SDK1: variants seen among roughly 807,000 people sequenced by gnomAD.
SDK1 encodes the protein sidekick cell adhesion molecule 1.
SDK1 carries 157 observed loss-of-function variants against 245.5 expected under a neutral mutation model. The ratio of observed to expected loss-of-function variants is 0.64; its 90% CI spans 0.56 to 0.73. The LOEUF (loss-of-function observed/expected upper bound fraction) is 0.73. Among genes scored for constraint, SDK1 ranks in the 30% least tolerant of loss-of-function variants. SDK1 has a pLI of 0.00. For missense variants in SDK1, 3,583 were observed against 3,002.3 expected (o/e 1.19, Z -4.52); for synonymous variants, 1,647 against 1,278.5 (o/e 1.29, Z -6.15).
chr7:3,381,142 A>G (rs1383576101), intron 1 of SDK1, among the ~76,000 whole-genome samples: 3 of 152,182 alleles, frequency 2.0e-5, no homozygotes, highest in African/African-American at 7.2e-5. Flanking sequence ...AAGAGAATCC[A>G]TGAAGGGACT....
chr7:3,979,437 G>A (rs767832183), intron 13 of SDK1, among the ~76,000 whole-genome samples: 1 of 152,194 alleles, frequency 6.6e-6, no homozygotes, highest in African/African-American at 2.4e-5. Flanking sequence ...CACTAGACTC[G>A]AGATGTGTCT....
At chr7:3,313,279 C>A (rs1428132837) in intron 1 of SDK1, among the ~76,000 whole-genome samples, 1 of 152,158 alleles carries the variant, frequency 6.6e-6, no homozygotes, top group Non-Finnish European at 1.5e-5. Flanking sequence ...CAGTGGCATG[C>A]ACCTGCAGTC....
In SDK1 at chr7:3,518,013, G is replaced by C. The variant is rs536507715; in HGVS notation, c.299-101067G>C. ...GAGAAGCTTACCAGAAGTACTTAAAGAGCCAATTAAGTTACAGTTTTAGGC... is the reference window on the plus strand; with the variant it reads ...GAGAAGCTTACCAGAAGTACTTAAACAGCCAATTAAGTTACAGTTTTAGGC... On this transcript the variant is annotated intron_variant, in intron 1 of 44. Coordinates refer to ENST00000404826, the MANE Select transcript of SDK1 (RefSeq NM_152744.4). Among the ~76,000 whole-genome samples the C allele has an allele frequency of 3.2e-4, 48 of 152,176 alleles. 2 individuals carry two copies. The South Asian group carries it at 8.5e-3, about 27-fold the overall frequency.
intron 1 of SDK1, among the ~76,000 whole-genome samples, chr7:3,584,146 C>A (rs939648118): frequency 2.0e-5 from 3 of 152,168 alleles, no homozygotes; most frequent in Non-Finnish European, 4.4e-5. Context: ...TAAAAAGATT[C>A]TGTGCTTATA....
At chr7:3,402,361 T>G (rs1022221521) in intron 1 of SDK1, among the ~76,000 whole-genome samples, 5 of 152,188 alleles carry the variant, frequency 3.3e-5, no homozygotes, top group African/African-American at 1.2e-4. Context: ...CCCAAGAAAT[T>G]CACTCGGAAG....
intron 1 of SDK1, among the ~76,000 whole-genome samples, chr7:3,430,092 C>G (rs537678484): frequency 6.6e-6 from 1 of 152,324 alleles, no homozygotes; most frequent in Non-Finnish European, 1.5e-5. Context: ...CCCTTCTTTG[C>G]AGCACAGTCA....
intron 1 of SDK1, among the ~76,000 whole-genome samples, chr7:3,464,061 A>G (rs1200574187): frequency 6.6e-6 from 1 of 152,168 alleles, no homozygotes; most frequent in African/African-American, 2.4e-5. Flanking sequence ...ATCGTTGTAT[A>G]TTTTTACTGT....
chr7:4,094,271 A>G (rs1326291531), intron 22 of SDK1, among the ~76,000 whole-genome samples: 3 of 152,166 alleles, frequency 2.0e-5, no homozygotes, highest in Non-Finnish European at 4.4e-5. Flanking sequence ...CATGTTGTCC[A>G]GGCTGGTCTC....
chr7:3,850,164 A>AC (rs1401897590), intron 5 of SDK1, among the ~76,000 whole-genome samples: 23 of 151,666 alleles, frequency 1.5e-4, no homozygotes, highest in African/African-American at 5.6e-4. Flanking sequence ...GAATGGACCC[A>AC]CCCCCCTTCG....
chr7:4,159,444 C>G (rs936253272), intron 31 of SDK1, among the ~76,000 whole-genome samples: 5 of 152,196 alleles, frequency 3.3e-5, no homozygotes, highest in African/African-American at 4.8e-5. Context: ...CAGAGCAGAA[C>G]CTGCAAGAGC....
chr7:3,505,112 G>A (rs913054222), intron 1 of SDK1, among the ~76,000 whole-genome samples: 1 of 152,082 alleles, frequency 6.6e-6, no homozygotes, highest in Admixed American at 6.6e-5. Context: ...TACATACTTC[G>A]TCAGAATAAA....
rs552393763 is a variant in SDK1 at position 3,538,022 on chromosome 7, T to C, written c.299-81058T>C. Among the ~76,000 whole-genome samples, 10 of 152,352 alleles carry C rather than the reference T, an allele frequency of 6.6e-5. No homozygotes were observed. In the South Asian group the frequency reaches 2.1e-3, roughly 32 times the overall value. The stretch of plus-strand genomic sequence containing the variant: ...GGGATCCAGGCACTGATGGTTTTTT[T>C]CCTGCCTTTCGTGGAGTCTTTCTTA... On this transcript the variant is annotated intron_variant, in intron 1 of 44. Transcript: ENST00000404826.
chr7:3,633,953 C>CT (rs1272354696), intron 2 of SDK1, among the ~76,000 whole-genome samples: 1 of 152,072 alleles, frequency 6.6e-6, no homozygotes, highest in Non-Finnish European at 1.5e-5. Flanking sequence ...TGGACACTCC[C>CT]CTACTCCCCT....
intron 12 of SDK1, among the ~76,000 whole-genome samples, chr7:3,973,014 C>T (rs374349879): frequency 3.7e-4 from 56 of 152,314 alleles, no homozygotes; most frequent in Admixed American, 9.1e-4. Context: ...TGCTTTTCTG[C>T]TACTCTGACA....
chr7:3,779,254 C>T (rs1303895853), intron 4 of SDK1, among the ~76,000 whole-genome samples: 2 of 152,132 alleles, frequency 1.3e-5, no homozygotes, highest in Non-Finnish European at 2.9e-5. Context: ...TCCTACGCTT[C>T]AGAAAGCAAT....
intron 1 of SDK1, among the ~76,000 whole-genome samples, chr7:3,585,476 AAG>A (rs1157999589): frequency 6.6e-6 from 1 of 152,226 alleles, no homozygotes; most frequent in Non-Finnish European, 1.5e-5. Flanking sequence ...TAAGCATGGA[AAG>A]AGAGAGAAGG....
chr7:3,743,747 G>GA (rs370061120), intron 4 of SDK1, among the ~76,000 whole-genome samples: 9 of 152,074 alleles, frequency 5.9e-5, no homozygotes, highest in South Asian at 2.1e-4. Flanking sequence ...CTGTGTGTAC[G>GA]AAAAAAATGA....
At chr7:3,457,880 C>T (rs1054553733) in intron 1 of SDK1, among the ~76,000 whole-genome samples, 1 of 152,238 alleles carries the variant, frequency 6.6e-6, no homozygotes, top group South Asian at 2.1e-4. Context: ...CTGGGAGTTT[C>T]CTGAGAATGC....
chr7:3,827,894 T>A (rs1231490007), intron 5 of SDK1, among the ~76,000 whole-genome samples: 1 of 152,162 alleles, frequency 6.6e-6, no homozygotes, highest in African/African-American at 2.4e-5. Context: ...GGACTCGTTA[T>A]GAGTAAGAAA....
Sources: allele counts gnomAD v4.1 joint callset (sites outside exome capture counted in the v4.1 genomes callset), GRCh38; gene constraint gnomAD v4.1.1; transcripts MANE v1.5; gene names NCBI Gene and HGNC (gene_info 2026-07-23, HGNC 2026-07-21).